Variants in ACCSL observed in about 807,000 individuals in gnomAD.
ACCSL encodes 1-aminocyclopropane-1-carboxylate synthase homolog (inactive) like, also known as probable inactive 1-aminocyclopropane-1-carboxylate synthase-like protein 2.
ACCSL carries 55 observed loss-of-function variants against 61.7 expected under a neutral mutation model. The ratio of observed to expected loss-of-function variants is 0.89; its 90% CI spans 0.72 to 1.12. ACCSL has a LOEUF of 1.12. ACCSL is among the 50% of genes most tolerant of loss of function. ACCSL has a pLI of 0.00. For missense variants in ACCSL, 632 were observed against 698.0 expected (o/e 0.91, Z 1.07); for synonymous variants, 258 against 264.3 (o/e 0.98, Z 0.23).
At chr11:44,040,899 G>A in the ACCSL span, among the ~76,000 whole-genome samples, 9,067 of 152,184 alleles carry the variant, frequency 0.06, 496 homozygotes, top group African/African-American at 0.14. Flanking sequence ...AAGGGCAATG[G>A]GGCCTGAGGT....
the ACCSL span, among the ~76,000 whole-genome samples, chr11:43,925,798 C>G: frequency 0.13 from 19,605 of 152,150 alleles, 1,508 homozygotes; most frequent in Admixed American, 0.24. Flanking sequence ...CAGTCAGCCT[C>G]CAAGCCTGTT....
At chr11:44,036,407 A>G in the ACCSL span, among the ~76,000 whole-genome samples, 3 of 152,242 alleles carry the variant, frequency 2.0e-5, no homozygotes, top group East Asian at 3.8e-4. Flanking sequence ...TTTGTTACCT[A>G]TAAAATGGGG....
the ACCSL span, among the ~76,000 whole-genome samples, chr11:43,927,007 CAG>C: frequency 1.6e-4 from 25 of 152,364 alleles, no homozygotes; most frequent in Admixed American, 4.6e-4. Flanking sequence ...ATCGGCCTCC[CAG>C]AGTGCTGGGA....
At chr11:43,933,363 A>G in the ACCSL span, 3 of 343,578 alleles carry the variant, frequency 8.7e-6, no homozygotes, top group Admixed American at 3.7e-5. Flanking sequence ...GCCAGGCTCA[A>G]GGTAAAGTCC....
At chr11:43,991,818 G>A in the ACCSL span, among the ~76,000 whole-genome samples, 7 of 151,724 alleles carry the variant, frequency 4.6e-5, no homozygotes, top group Non-Finnish European at 1.5e-5. Flanking sequence ...AAAACAATCC[G>A]CACCTCCCCC....
chr11:43,955,189 C>T, the ACCSL span, among the ~76,000 whole-genome samples: 53 of 152,358 alleles, frequency 3.5e-4, no homozygotes, highest in Middle Eastern at 3.4e-3. Flanking sequence ...CAATTTTCTG[C>T]ACCTCCCTTG....
chr11:43,922,149 C>T, the ACCSL span: 151,201 of 152,366 alleles, frequency 0.99, 75,037 homozygotes, highest in Middle Eastern at 1. Context: ...TGCTGCCCTT[C>T]TTCTGAGCTT....
the ACCSL span, among the ~76,000 whole-genome samples, chr11:43,985,632 G>A: frequency 6.6e-6 from 1 of 152,210 alleles, no homozygotes; most frequent in South Asian, 2.1e-4. Flanking sequence ...CTGCCCTTGA[G>A]GGGCACGGTC....
the ACCSL span, among the ~76,000 whole-genome samples, chr11:43,986,074 G>T: frequency 1.3e-5 from 2 of 151,880 alleles, no homozygotes; most frequent in African/African-American, 4.8e-5. Context: ...TTATTAAATG[G>T]CATTTATGGG....
the ACCSL span, among the ~76,000 whole-genome samples, chr11:44,040,283 G>A: frequency 1.3e-5 from 2 of 152,198 alleles, no homozygotes; most frequent in South Asian, 2.1e-4. Context: ...TCTTGATAAA[G>A]TACGTAGGCC....
At chr11:43,931,918 C>T in the ACCSL span, among the ~76,000 whole-genome samples, 1 of 151,186 alleles carries the variant, frequency 6.6e-6, no homozygotes, top group African/African-American at 2.4e-5. Context: ...CCTAAAAGTG[C>T]AGAGCCCAGT....
the ACCSL span, chr11:43,943,177 C>A: frequency 6.6e-7 from 1 of 1,509,396 alleles, no homozygotes. The surrounding 1 kb of genome is among the most constrained non-coding windows in gnomAD (Gnocchi z 4.8). Flanking sequence ...AGTGCCTGCG[C>A]CGCAGCACGC....
chr11:43,960,313 AT>A, the ACCSL span, among the ~76,000 whole-genome samples: 8 of 152,140 alleles, frequency 5.3e-5, no homozygotes, highest in South Asian at 1.7e-3. Context: ...TTTTCCTTTA[AT>A]TTATTTTTAT....
the ACCSL span, among the ~76,000 whole-genome samples, chr11:43,975,683 TCACTAC>T: frequency 4.6e-5 from 7 of 152,148 alleles, no homozygotes; most frequent in Non-Finnish European, 1.0e-4. Context: ...AGCAAAAACA[TCACTAC>T]CTTGATCTGA....
At chr11:44,004,475 A>AAGCTGAGCTG in the ACCSL span, among the ~76,000 whole-genome samples, 2 of 151,216 alleles carry the variant, frequency 1.3e-5, no homozygotes, top group African/African-American at 4.8e-5. Flanking sequence ...TTCCAAGGCC[A>AAGCTGAGCTG]AGCTGAGCTG....
the ACCSL span, chr11:44,001,160 C>T: frequency 1.3e-5 from 2 of 152,106 alleles, no homozygotes; most frequent in Non-Finnish European, 2.9e-5. Flanking sequence ...TCTCCGGAAG[C>T]CTGCAGTCTT....
chr11:43,976,111 A>G, the ACCSL span, among the ~76,000 whole-genome samples: 1 of 152,100 alleles, frequency 6.6e-6, no homozygotes, highest in Admixed American at 6.5e-5. Flanking sequence ...AAGCAGCTAT[A>G]CTTAAAGAAC....
At chr11:43,991,129 C>A in the ACCSL span, among the ~76,000 whole-genome samples, 5 of 151,962 alleles carry the variant, frequency 3.3e-5, no homozygotes, top group African/African-American at 1.2e-4. Context: ...CAGAGAGATT[C>A]ATTCATTCAC....
chr11:44,039,983 T>C, the ACCSL span, among the ~76,000 whole-genome samples: 3 of 152,240 alleles, frequency 2.0e-5, no homozygotes, highest in African/African-American at 7.2e-5. Flanking sequence ...TAGGTTTCAT[T>C]ACTGCCATCT....
Sources: gnomAD v4.1 joint callset for allele counts (sites outside exome capture counted in the v4.1 genomes callset) on GRCh38, gnomAD v4.1.1 for gene constraint, Gnocchi (gnomAD v3.1) non-coding constraint, MANE v1.5 for transcripts, NCBI Gene and HGNC (gene_info 2026-07-23, HGNC 2026-07-21) for gene names.